The following C1orf116 variants were observed in gnomAD, a reference collection of about 807,000 sequenced individuals.
The protein encoded by C1orf116 is chromosome 1 open reading frame 116.
Under a neutral mutation model 14.1 loss-of-function variants are expected in C1orf116, and 12 were observed. That is an observed-to-expected ratio of 0.85 (90% CI 0.54 to 1.38). C1orf116 has a LOEUF of 1.38. C1orf116 is among the 40% of genes most tolerant of loss of function. C1orf116 has a pLI of 0.00. For missense variants in C1orf116, 797 were observed against 747.0 expected, an observed-to-expected ratio of 1.07 and a Z score of -0.78; for synonymous variants, 296 against 299.0, an observed-to-expected ratio of 0.99 and a Z score of 0.10.
In C1orf116 at chr1:207,027,709, G is replaced by A. The variant is rs1300134209; in HGVS notation, c.-81-30C>T. 6.0e-6 allele frequency: 9 copies of A among 1,500,832 alleles called. No individual in the cohort carries two copies. In the African/African-American group the frequency reaches 9.7e-5, roughly 16 times the overall value. 93.0% of individuals were successfully genotyped at this position (1,500,832 alleles called of 1,614,324 possible). Reference sequence around the variant, plus strand: ...AAAGAGAAGAATCAAAGCCACACATGAGCCGAGGCTTCGGCAAGGCTCTGC... The same window carrying A: ...AAAGAGAAGAATCAAAGCCACACATAAGCCGAGGCTTCGGCAAGGCTCTGC... On this transcript the variant is annotated intron_variant, in intron 1 of 3. Coordinates refer to ENST00000359470, the MANE Select transcript of C1orf116 (RefSeq NM_023938.6).
chr1:207,023,550 A>G, intron 3 of C1orf116, 70 bp from the exon 4 acceptor site: 2 of 1,502,572 alleles, frequency 1.3e-6, no homozygotes, highest in Non-Finnish European at 1.8e-6. Context: ...GCCCTGCTGC[A>G]GAGGGGAAAG....
In C1orf116 at chr1:207,027,584, C is replaced by G. The variant is rs145706842; in HGVS notation, c.15G>C (p.Glu5Asp). The G allele has an allele frequency of 1.6e-4, 256 of 1,612,854 alleles. No homozygotes were observed. Among genetic ancestry groups the G allele is most frequent in the Non-Finnish European group, 2.0e-4 (238 of 1,180,048 alleles). The change falls in exon 2 of 4, where the codon GAG (glutamate) becomes GAC (aspartate). Residue 5 changes from glutamate (E) to aspartate (D), a missense_variant. Glu to Asp is a conservative substitution (Grantham distance 45). Coordinates refer to ENST00000359470, the MANE Select transcript of C1orf116 (RefSeq NM_023938.6). MPER[E>D]LWPAGTGSEP... ...CTGAGCCAGTCCCCGCTGGCCACAG[C>G]TCCCTCTCGGGCATCACCCGAAACA...
Position 207,021,838 on chromosome 1 carries a change from G to T in C1orf116, c.*120C>A. 1.0e-6 allele frequency: 1 copy of T among 983,950 alleles called. No homozygotes were observed. Among genetic ancestry groups the T allele is most frequent in the Non-Finnish European group, 1.4e-6 (1 of 693,184 alleles). 61.0% of individuals were successfully genotyped at this position (983,950 alleles called of 1,614,324 possible). On this transcript the variant is annotated 3_prime_UTR_variant, in exon 4 of 4. Coordinates refer to ENST00000359470, the MANE Select transcript of C1orf116 (RefSeq NM_023938.6). ...AACACTGAATATAAATGTATGCTTG[G>T]ACTCAAATCTCTCCCTCCCATTCAT...
At position 207,027,654 on chromosome 1, in the gene C1orf116, G is replaced by C; in HGVS notation, c.-56C>G. Reference sequence around the variant, plus strand: ...GGGGCTTCTAGAGGGGAAGCGAGGGGAAGTGAACAATGTCCCAAGCCGGGC... The same window carrying C: ...GGGGCTTCTAGAGGGGAAGCGAGGGCAAGTGAACAATGTCCCAAGCCGGGC... On this transcript the variant is annotated 5_prime_UTR_variant, in exon 2 of 4. Transcript: ENST00000359470. The C allele has an allele frequency of 1.3e-6, 2 of 1,597,228 alleles. No individual in the cohort carries two copies. The highest frequency in any genetic ancestry group is 1.7e-4 in the Middle Eastern group (1 of 6,046).
In C1orf116 at chr1:207,022,806, G is replaced by T. The variant is rs1199467110; in HGVS notation, c.958C>A (p.His320Asn). 6.2e-7 allele frequency: 1 copy of T among 1,614,098 alleles called. No homozygotes were observed. Among genetic ancestry groups the T allele is most frequent in the South Asian group, 1.1e-5 (1 of 91,084 alleles). ...GCCTCAGTGTGGCGGGACAGCCAGT[G>T]CTGGGGGTCACTGTGGAAACTGCTT... ...SRSSFHSDPQ[H>N]WLSRHTEAAP... Residue 320 changes from histidine (H) to asparagine (N), a missense_variant, in exon 4 of 4, where the codon CAC becomes AAC. Physicochemically the swap from His to Asn is moderately conservative, Grantham distance 68. Transcript: ENST00000359470.
chr1:207,031,645 G>A (rs952613298), intron 1 of C1orf116, among the ~76,000 whole-genome samples: 1 of 152,110 alleles, frequency 6.6e-6, no homozygotes, highest in Non-Finnish European at 1.5e-5. Context: ...ACTCTGACTC[G>A]ACTCCTACAT....
chr1:207,022,249 G>A lies in C1orf116; in HGVS notation c.1515C>T (p.Thr505=). The A allele has an allele frequency of 6.2e-7, 1 of 1,613,880 alleles. No individual in the cohort carries two copies. Among genetic ancestry groups the A allele is most frequent in the Non-Finnish European group, 8.5e-7 (1 of 1,179,950 alleles). The change falls in exon 4 of 4, where the codon ACC becomes ACT. Residue 505 remains threonine (T), a synonymous_variant. Transcript: ENST00000359470. ...AGGAGCCCTTTCCCAGAGAAGTGCT[G>A]GTTTTGGGGCTGGCATCTTTCTCAG... The part of the protein sequence containing the change: ...LSTEKDASPK[T]STSLGKGSFL...
rs1230612614 is a variant in C1orf116 at position 207,027,642 on chromosome 1, G to C, written c.-44C>G. 1.2e-6 allele frequency: 2 copies of C among 1,600,860 alleles called. No individual in the cohort carries two copies. The highest frequency in any genetic ancestry group is 1.3e-5 in the African/African-American group (1 of 74,988). ...GGGATGGCAAAGGGGGCTTCTAGAG[G>C]GGAAGCGAGGGGAAGTGAACAATGT... is the stretch of plus-strand genomic sequence containing the variant. On this transcript the variant is annotated 5_prime_UTR_variant, in exon 2 of 4. Coordinates refer to ENST00000359470, the MANE Select transcript of C1orf116 (RefSeq NM_023938.6).
chr1:207,027,791 G>T, intron 1 of C1orf116, 112 bp from the exon 2 acceptor site: 2 of 1,253,942 alleles, frequency 1.6e-6, no homozygotes, highest in Non-Finnish European at 2.1e-6. Context: ...GCTGGAAGGG[G>T]GGCATGAACA....
chr1:207,025,155 G>T, intron 2 of C1orf116, 91 bp from the exon 3 acceptor site: 1 of 997,784 alleles, frequency 1.0e-6, no homozygotes, highest in Non-Finnish European at 1.5e-6. Flanking sequence ...GTGAGAAAGC[G>T]CTCCCTCCGC....
Position 207,020,492 on chromosome 1 carries a change from GA to G in C1orf116, c.*1465del, listed in dbSNP as rs1238149562. ...ATAAGTAAGATTTACTTCCTAAGGG[GA>G]AGCAGGAGTCATGTCTGGCCATGTC... On this transcript the variant is annotated 3_prime_UTR_variant, in exon 4 of 4. Coordinates refer to ENST00000359470, the MANE Select transcript of C1orf116 (RefSeq NM_023938.6). 6.6e-6 allele frequency: 1 copy of G among 152,098 alleles called. No homozygotes were observed. Among genetic ancestry groups the G allele is most frequent in the African/African-American group, 2.4e-5 (1 of 41,400 alleles). 9.4% of individuals were successfully genotyped at this position (152,098 alleles called of 1,614,324 possible). A position where few individuals can be genotyped will look rare whatever the true frequency, so the allele number is the denominator to read the frequency against.
In C1orf116 at chr1:207,023,294, T is replaced by G. The variant is rs34660159; in HGVS notation, c.470A>C (p.Asn157Thr). 0.02 allele frequency: 32,339 copies of G among 1,614,072 alleles called. 4,798 individuals carry two copies. The African/African-American group carries it at 0.35, about 17-fold the overall frequency. The change falls in exon 4 of 4, where the codon AAC becomes ACC. Residue 157 changes from asparagine (N) to threonine (T), a missense_variant. Transcript: ENST00000359470. ...CGCAAGCCTCCCCGGTTCTCCAGGG[T>G]TGTGACTGCTAGCCTGGGTGGTGCT... ...RKSTTQASSH[N>T]PGEPGRLAPE...
At chr1:207,027,360 T>C in intron 2 of C1orf116, 134 bp downstream of exon 2, 2 of 1,148,802 alleles carry the variant, frequency 1.7e-6, no homozygotes, top group Admixed American at 2.1e-5. Flanking sequence ...CCCACTGGTG[T>C]TGTGAATCAC....
intron 2 of C1orf116, among the ~76,000 whole-genome samples, chr1:207,026,871 G>A (rs1226512935): frequency 6.6e-6 from 1 of 152,234 alleles, no homozygotes. Flanking sequence ...AAGATTCTCA[G>A]TCTCTGCTCC....
At position 207,032,717 on chromosome 1, in the gene C1orf116, A is replaced by G. The variant is rs780479420; in HGVS notation, c.-220T>C. ...CTCCTCCTGACTTACCTAGATAGGT[A>G]AATGCTTCATCTGTGCTGCCTGGCC... On this transcript the variant is annotated 5_prime_UTR_variant, in exon 1 of 4. Transcript: ENST00000359470. The G allele has an allele frequency of 6.1e-6, 6 of 985,362 alleles. No homozygotes were observed. The highest frequency in any genetic ancestry group is 7.2e-6 in the Non-Finnish European group (6 of 829,954). 61.0% of individuals were successfully genotyped at this position (985,362 alleles called of 1,614,324 possible).
At chr1:207,031,919 T>C (rs1377508843) in intron 1 of C1orf116, among the ~76,000 whole-genome samples, 1 of 152,190 alleles carries the variant, frequency 6.6e-6, no homozygotes, top group Admixed American at 6.5e-5. Context: ...GTTAATTGAG[T>C]AGAATCCAAA....
In C1orf116 at chr1:207,023,074, G is replaced by C; in HGVS notation, c.690C>G (p.Leu230=). ...TTTCCTGGGAGCTGGATGGTGTGTGGAGCTGGGGTGTGTGGCCCTGCTGTC... is the reference window on the plus strand; with the variant it reads ...TTTCCTGGGAGCTGGATGGTGTGTGCAGCTGGGGTGTGTGGCCCTGCTGTC... ...GPGQQGHTPQ[L]HTPSSSQERE... The change falls in exon 4 of 4, where the codon CTC becomes CTG. Residue 230 remains leucine, a synonymous_variant. Transcript: ENST00000359470. 6.2e-7 allele frequency: 1 copy of C among 1,612,658 alleles called. No individual in the cohort carries two copies. The highest frequency in any genetic ancestry group is 8.5e-7 in the Non-Finnish European group (1 of 1,179,990).
Position 207,021,169 on chromosome 1 carries a change from G to A in C1orf116, c.*789C>T, listed in dbSNP as rs1293951152. The A allele has an allele frequency of 6.5e-6, 1 of 152,680 alleles. No individual in the cohort carries two copies. Among genetic ancestry groups the A allele is most frequent in the Non-Finnish European group, 1.5e-5 (1 of 68,066 alleles). 9.5% of individuals were successfully genotyped at this position (152,680 alleles called of 1,614,324 possible). A position where few individuals can be genotyped will look rare whatever the true frequency, so the allele number is the denominator to read the frequency against. On this transcript the variant is annotated 3_prime_UTR_variant, in exon 4 of 4. Transcript: ENST00000359470. ...ACGGAGCAGGAAAGCAGGAAGAACG[G>A]GAGTAGCAGAGTCAGGGACGACAGC...
chr1:207,022,584 C>A lies in C1orf116; in HGVS notation c.1180G>T (p.Ala394Ser). The A allele has an allele frequency of 6.2e-7, 1 of 1,614,162 alleles. No individual in the cohort carries two copies. The highest frequency in any genetic ancestry group is 1.1e-5 in the South Asian group (1 of 91,078). ...LSPAPGLAQP[A>S]APAQASAAIP... is the part of the protein sequence containing the mutation. Reference sequence around the variant, plus strand: ...GCTGCTGAGGCCTGGGCTGGAGCTGCAGGCTGAGCCAGACCTGGAGCTGGG... The same window carrying A: ...GCTGCTGAGGCCTGGGCTGGAGCTGAAGGCTGAGCCAGACCTGGAGCTGGG... The change falls in exon 4 of 4, where the codon GCA (alanine) becomes TCA (serine). Residue 394 changes from alanine to serine, a missense_variant. Coordinates refer to ENST00000359470, the MANE Select transcript of C1orf116 (RefSeq NM_023938.6).
Sources: allele counts gnomAD v4.1 joint callset (sites outside exome capture counted in the v4.1 genomes callset), GRCh38; gene constraint gnomAD v4.1.1; transcripts MANE v1.5; gene names NCBI Gene and HGNC (gene_info 2026-07-23, HGNC 2026-07-21).